DYM: variants seen among roughly 807,000 people sequenced by gnomAD.
DYM encodes the protein dyggve-Melchior-Clausen syndrome protein.
In DYM, 78 loss-of-function variants were observed where a neutral mutation model predicts 93.1. The observed-to-expected ratio is 0.84, with a 90% CI of 0.70 to 1.01. The LOEUF (loss-of-function observed/expected upper bound fraction) is 1.01. DYM is among the 50% of genes least tolerant of loss of function. The pLI is 0.00. For missense variants in DYM, 789 were observed against 845.0 expected, an observed-to-expected ratio of 0.93 and a Z score of 0.82; for synonymous variants, 321 against 319.7, an observed-to-expected ratio of 1.00 and a Z score of -0.04.
At chr18:49,109,833 C>CA (rs1229313913) in intron 16 of DYM, among the ~76,000 whole-genome samples, 17 of 152,316 alleles carry the variant, frequency 1.1e-4, no homozygotes, top group African/African-American at 4.1e-4. Context: ...TAATCTAGAG[C>CA]AAAGGACAGT....
intron 1 of DYM, among the ~76,000 whole-genome samples, chr18:49,434,316 C>T (rs956447272): frequency 6.7e-6 from 1 of 149,822 alleles, no homozygotes; most frequent in Non-Finnish European, 1.5e-5. Context: ...CACTACACTC[C>T]AGCCTGGGCA....
In DYM at chr18:49,460,527, A is replaced by T. The variant is rs2148790605; in HGVS notation, c.-183T>A. 1 of 152,228 alleles carries T rather than the reference A, an allele frequency of 6.6e-6. No homozygotes were observed. The highest frequency in any genetic ancestry group is 3.4e-3 in the Middle Eastern group (1 of 294). The allele number at this position is 152,228 out of a possible 1,614,324, so 9.4% of individuals were successfully genotyped here. On this transcript the variant is annotated 5_prime_UTR_variant, in exon 1 of 18. It removes an upstream start codon present in the reference 5' UTR. Transcript: ENST00000675505. ...GTGGCGCACACCGGCTCAGGCCTCC[A>T]TGTTTCCACGTCTCAGCGGGTACAG...
At chr18:49,281,954 A>T (rs748797410) in intron 10 of DYM, 43 bp downstream of exon 10, 56 of 1,447,820 alleles carry the variant, frequency 3.9e-5, no homozygotes, top group South Asian at 2.5e-4. Flanking sequence ...AAGTATAATT[A>T]AAAAAAAATA....
At chr18:49,296,864 C>A (rs936717244) in intron 8 of DYM, among the ~76,000 whole-genome samples, 1 of 152,304 alleles carries the variant, frequency 6.6e-6, no homozygotes, top group African/African-American at 2.4e-5. Flanking sequence ...TGATCATCTG[C>A]ACCACTGTCT....
intron 13 of DYM, among the ~76,000 whole-genome samples, chr18:49,252,247 T>C (rs1326653264): frequency 1.0e-4 from 2 of 19,928 alleles, no homozygotes; most frequent in African/African-American, 2.1e-4. Context: ...AAAAAAGAAC[T>C]GCCTGAGACT....
chr18:49,127,373 TAAC>T (rs1262201495), intron 15 of DYM, among the ~76,000 whole-genome samples: 1 of 152,238 alleles, frequency 6.6e-6, no homozygotes, highest in Non-Finnish European at 1.5e-5. Flanking sequence ...TTTACCTTGT[TAAC>T]AGCAGTCAGA....
chr18:49,056,676 TACA>T (rs2075510853), intron 17 of DYM, among the ~76,000 whole-genome samples: 1 of 151,622 alleles, frequency 6.6e-6, no homozygotes, highest in East Asian at 1.9e-4. Context: ...TAGCAGGGAC[TACA>T]GGCGCATGCC....
chr18:49,335,676 T>C (rs1302170416), intron 6 of DYM, among the ~76,000 whole-genome samples: 1 of 152,114 alleles, frequency 6.6e-6, no homozygotes, highest in Non-Finnish European at 1.5e-5. Context: ...TACACAATAG[T>C]CTCCTGGCTA....
chr18:49,261,012 A>T (rs1477803648), intron 11 of DYM, among the ~76,000 whole-genome samples: 1 of 152,216 alleles, frequency 6.6e-6, no homozygotes, highest in African/African-American at 2.4e-5. Flanking sequence ...AATCAGGAAA[A>T]CAGAATTAAA....
At chr18:49,056,746 A>G (rs867283746) in intron 17 of DYM, among the ~76,000 whole-genome samples, 10 of 150,176 alleles carry the variant, frequency 6.7e-5, no homozygotes, top group South Asian at 2.1e-4. Context: ...ACGGGGTTTC[A>G]CCATGTTAGC....
chr18:49,353,774 C>T (rs948830853), intron 6 of DYM, among the ~76,000 whole-genome samples: 3 of 151,778 alleles, frequency 2.0e-5, no homozygotes, highest in Non-Finnish European at 4.4e-5. Context: ...TGAAAGAAAT[C>T]AAATAACTAA....
intron 8 of DYM, among the ~76,000 whole-genome samples, chr18:49,291,842 G>A (rs1392188244): frequency 6.6e-6 from 1 of 152,134 alleles, no homozygotes; most frequent in East Asian, 1.9e-4. Context: ...TTATTAAGAA[G>A]GTACAGCCAG....
At chr18:49,426,248 A>T (rs1436375443) in intron 2 of DYM, among the ~76,000 whole-genome samples, 1 of 152,008 alleles carries the variant, frequency 6.6e-6, no homozygotes, top group Non-Finnish European at 1.5e-5. Flanking sequence ...CCTCTGTAGG[A>T]ACATGGATGA....
chr18:49,062,359 C>T (rs994291537), intron 17 of DYM, among the ~76,000 whole-genome samples: 1 of 152,200 alleles, frequency 6.6e-6, no homozygotes, highest in Non-Finnish European at 1.5e-5. Flanking sequence ...GAAGCACACT[C>T]TTATCTAGCC....
chr18:49,425,496 T>C (rs906820050), intron 2 of DYM, among the ~76,000 whole-genome samples: 1 of 152,220 alleles, frequency 6.6e-6, no homozygotes, highest in South Asian at 2.1e-4. Context: ...AAGGACTTCA[T>C]GTCTAAAACA....
At chr18:49,117,199 T>C (rs2081989744) in intron 16 of DYM, among the ~76,000 whole-genome samples, 1 of 152,208 alleles carries the variant, frequency 6.6e-6, no homozygotes, top group East Asian at 1.9e-4. Flanking sequence ...GATATAAGTT[T>C]AGGAAAGTGA....
intron 1 of DYM, among the ~76,000 whole-genome samples, chr18:49,442,127 C>T (rs2081690748): frequency 6.6e-6 from 1 of 152,132 alleles, no homozygotes; most frequent in South Asian, 2.1e-4. Context: ...GCAATGCCCA[C>T]CACTCAACAA....
intron 17 of DYM, among the ~76,000 whole-genome samples, chr18:49,080,155 G>A (rs2077724803): frequency 9.9e-6 from 1 of 101,230 alleles, no homozygotes; most frequent in Non-Finnish European, 2.2e-5. Flanking sequence ...CTGGCCGGGG[G>A]GGGGCTGACC....
intron 14 of DYM, among the ~76,000 whole-genome samples, chr18:49,188,363 G>C (rs559406902): frequency 6.6e-6 from 1 of 152,288 alleles, no homozygotes; most frequent in Non-Finnish European, 1.5e-5. Flanking sequence ...ATGTAGCACA[G>C]AAGGAGCATA....
Sources: allele counts gnomAD v4.1 joint callset (sites outside exome capture counted in the v4.1 genomes callset), GRCh38; gene constraint gnomAD v4.1.1; transcripts MANE v1.5; gene names NCBI Gene and HGNC (gene_info 2026-07-23, HGNC 2026-07-21).